The following ZNF254 variants were observed in gnomAD, a reference collection of about 807,000 sequenced individuals.
The protein encoded by ZNF254 is CTD-2017D11.1.
Under a neutral mutation model 12.4 loss-of-function variants are expected in ZNF254, and 10 were observed. The ratio of observed to expected loss-of-function variants is 0.80; its 90% CI spans 0.50 to 1.36. The LOEUF is 1.36. Among genes scored for constraint, ZNF254 ranks in the 40% most tolerant of loss-of-function variants. The pLI is 0.00. For synonymous variants in ZNF254, 305 were observed against 253.4 expected, an observed-to-expected ratio of 1.20 and a Z score of -1.93; for missense variants, 996 against 763.9, an observed-to-expected ratio of 1.30 and a Z score of -3.58.
At chr19:24,055,372 G>A (rs1471124215) in intron 2 of ZNF254, among the ~76,000 whole-genome samples, 4 of 151,582 alleles carry the variant, frequency 2.6e-5, no homozygotes, top group South Asian at 4.2e-4. Context: ...CTCCACCTCC[G>A]GGTTCAAGTG....
intron 3 of ZNF254, among the ~76,000 whole-genome samples, chr19:24,123,950 G>T (rs1044333766): frequency 1.4e-4 from 22 of 151,888 alleles, no homozygotes; most frequent in African/African-American, 4.8e-4. Context: ...TTGAAAATAT[G>T]TCTCAATTTA....
intron 2 of ZNF254, among the ~76,000 whole-genome samples, chr19:24,068,948 G>C (rs944785253): frequency 6.6e-6 from 1 of 152,072 alleles, no homozygotes; most frequent in African/African-American, 2.4e-5. Context: ...ATTCTATAAA[G>C]CCCTCGGGTG....
intron 1 of ZNF254, chr19:24,091,848 T>G: frequency 1.0e-6 from 1 of 983,528 alleles, no homozygotes; most frequent in East Asian, 1.1e-4. Context: ...GTGATGAAAC[T>G]TGGTACCTCC....
intron 3 of ZNF254, among the ~76,000 whole-genome samples, chr19:24,112,377 G>A (rs1973741141): frequency 6.9e-6 from 1 of 145,340 alleles, no homozygotes; most frequent in Non-Finnish European, 1.5e-5. Flanking sequence ...TTGAAGTCAG[G>A]TAGCATGATG....
At chr19:24,113,542 A>G (rs5965335) in intron 3 of ZNF254, among the ~76,000 whole-genome samples, 1 of 152,226 alleles carries the variant, frequency 6.6e-6, no homozygotes, top group Non-Finnish European at 1.5e-5. Context: ...TCTCAAAATA[A>G]TAAGAGCTAT....
intron 3 of ZNF254, among the ~76,000 whole-genome samples, chr19:24,121,094 T>C (rs1422700221): frequency 1.3e-5 from 2 of 151,116 alleles, no homozygotes; most frequent in African/African-American, 2.4e-5. Context: ...CCCTCAACTT[T>C]TATTTTGGAG....
chr19:24,081,188 C>G (rs993058196), intron 2 of ZNF254, among the ~76,000 whole-genome samples: 4 of 152,090 alleles, frequency 2.6e-5, no homozygotes, highest in East Asian at 1.9e-4. Flanking sequence ...GATAGATTGA[C>G]AAGCCCATAG....
rs1335018058 is a variant in ZNF254, at chr19:24,128,499, C to G, written c.*519C>G. 1 of 151,986 alleles carries G rather than the reference C, an allele frequency of 6.6e-6. No individual in the cohort carries two copies. Among genetic ancestry groups the G allele is most frequent in the Non-Finnish European group, 1.5e-5 (1 of 67,978 alleles). 9.4% of individuals were successfully genotyped at this position (151,986 alleles called of 1,614,324 possible). A position where few individuals can be genotyped will look rare whatever the true frequency, so the allele number is the denominator to read the frequency against. ...TAATATCTTTACTTGTACCACAGAT[C>G]TTATTGTACACATTTTATACTAGAG... On this transcript the variant is annotated 3_prime_UTR_variant, in exon 4 of 4. Transcript: ENST00000357002.
chr19:24,123,605 C>T (rs1318427589), intron 3 of ZNF254, among the ~76,000 whole-genome samples: 1 of 152,052 alleles, frequency 6.6e-6, no homozygotes, highest in Non-Finnish European at 1.5e-5. Context: ...CACACACACA[C>T]CTGCGTGCGT....
In ZNF254 at chr19:24,126,235, A is replaced by AT. The variant is rs778078427; in HGVS notation, c.254-14dup. The stretch of plus-strand genomic sequence containing the variant: ...GTCTAGTAAGTGGAGTAATTTATTT[A>AT]TTTTTATTTTTTTTTCAGGTATGTG... On this transcript the variant is annotated intron_variant, in intron 3 of 3. Transcript: ENST00000357002. 5 of 1,396,898 alleles carry AT rather than the reference A, an allele frequency of 3.6e-6. No homozygotes were observed. The African/African-American group carries it at 7.4e-5, about 21-fold the overall frequency. 86.5% of individuals were successfully genotyped at this position (1,396,898 alleles called of 1,614,324 possible).
intron 2 of ZNF254, chr19:24,066,808 G>T (rs1454585240): frequency 3.9e-5 from 6 of 152,228 alleles, no homozygotes; most frequent in Admixed American, 1.3e-4. Context: ...GCTGAGGCAG[G>T]ATAATCGCTT....
rs138562700 is a variant in ZNF254 at position 24,123,658 on chromosome 19, T to G, written c.254-2596T>G. ...CACACACACAAATATACACAAATTT[T>G]TCATAGGTTCCCAGTGAATGAATCT... is the stretch of plus-strand genomic sequence containing the variant. On this transcript the variant is annotated intron_variant, in intron 3 of 3. Transcript: ENST00000357002. 5.9e-3 allele frequency among the ~76,000 whole-genome samples: 902 copies of G among 152,284 alleles called. 9 individuals are homozygous for G. The highest frequency in any genetic ancestry group is 0.021 in the African/African-American group (867 of 41,554).
At chr19:24,046,391 A>ATATATATATATATATATATC in intron 2 of ZNF254, 1 of 145,000 alleles carries the variant, frequency 6.9e-6, no homozygotes, top group East Asian at 2.0e-4. Context: ...ATATATATAT[A>ATATATATATATATATATATC]TATATATATG....
rs1231780947 is a variant in ZNF254 at position 24,121,041 on chromosome 19, C to G, written c.254-5213C>G. Reference sequence around the variant, plus strand: ...GGCATGAGCCACAGTGCCTGGCCATCATGTAGCATTTTTTTGTAGAACTGT... The same window carrying G: ...GGCATGAGCCACAGTGCCTGGCCATGATGTAGCATTTTTTTGTAGAACTGT... On this transcript the variant is annotated intron_variant, in intron 3 of 3. Coordinates refer to ENST00000357002, the MANE Select transcript of ZNF254 (RefSeq NM_203282.4). Among the ~76,000 whole-genome samples the G allele has an allele frequency of 2.0e-5, 3 of 151,300 alleles. No individual in the cohort carries two copies. In the East Asian group the frequency reaches 5.8e-4, roughly 29 times the overall value.
At chr19:24,085,239 T>C (rs1317074082), upstream of ZNF254, among the ~76,000 whole-genome samples, 4 of 151,444 alleles carry the variant, frequency 2.6e-5, no homozygotes, top group African/African-American at 9.7e-5. Context: ...GCCCAGAATT[T>C]TTTTTAACAT....
At chr19:24,086,931 G>A (rs548500876), upstream of ZNF254, among the ~76,000 whole-genome samples, 1 of 152,296 alleles carries the variant, frequency 6.6e-6, no homozygotes, top group South Asian at 2.1e-4. Context: ...TTGAAAAAGA[G>A]AGAGAGCAAA....
At chr19:24,114,095 A>G (rs1356696473) in intron 3 of ZNF254, among the ~76,000 whole-genome samples, 2 of 151,742 alleles carry the variant, frequency 1.3e-5, no homozygotes, top group Non-Finnish European at 2.9e-5. Flanking sequence ...GAAAATGGCC[A>G]TACTGCCCAA....
At chr19:24,071,411 A>T (rs970802575) in intron 2 of ZNF254, among the ~76,000 whole-genome samples, 2 of 152,166 alleles carry the variant, frequency 1.3e-5, no homozygotes, top group African/African-American at 4.8e-5. Flanking sequence ...AACAGTGGGG[A>T]TTGTGACAGA....
intron 3 of ZNF254, among the ~76,000 whole-genome samples, chr19:24,119,148 A>T (rs561551757): frequency 1.3e-5 from 2 of 152,188 alleles, no homozygotes; most frequent in African/African-American, 4.8e-5. Flanking sequence ...TGTCTAATTA[A>T]AAGATTTTTC....
Sources: allele counts gnomAD v4.1 joint callset (sites outside exome capture counted in the v4.1 genomes callset), GRCh38; gene constraint gnomAD v4.1.1; transcripts MANE v1.5; gene names NCBI Gene and HGNC (gene_info 2026-07-23, HGNC 2026-07-21).